The following ZC3HC1 variants were observed in gnomAD, a reference collection of about 807,000 sequenced individuals.
The protein encoded by ZC3HC1 is zinc finger C3HC-type containing 1.
ZC3HC1 carries 38 observed loss-of-function variants against 61.9 expected under a neutral mutation model. That is an observed-to-expected ratio of 0.61 (90% CI 0.47 to 0.81). The LOEUF (loss-of-function observed/expected upper bound fraction) is 0.81, where lower values mean the gene tolerates loss of function less well. Among genes scored for constraint, ZC3HC1 ranks in the 30% least tolerant of loss-of-function variants. The pLI is 0.00. For synonymous variants in ZC3HC1, 213 were observed against 229.9 expected, an observed-to-expected ratio of 0.93 and a Z score of 0.67; for missense variants, 554 against 622.7, an observed-to-expected ratio of 0.89 and a Z score of 1.17.
In ZC3HC1 at chr7:130,038,657, G is replaced by A. The variant is rs1047077041; in HGVS notation, c.493+807C>T. ...GCAGATCACTTGAGGTCAGGAGTTT[G>A]AGACCAGCCTAGCCAACATGGTGAA... is the stretch of plus-strand genomic sequence containing the variant. On this transcript the variant is annotated intron_variant, in intron 4 of 9. Coordinates refer to ENST00000358303, the MANE Select transcript of ZC3HC1 (RefSeq NM_016478.5). Among the ~76,000 whole-genome samples, 8 of 151,990 alleles carry A rather than the reference G, an allele frequency of 5.3e-5. 1 individual carries two copies. Among genetic ancestry groups the A allele is most frequent in the Admixed American group, 5.3e-4 (8 of 15,236 alleles).
chr7:130,041,686 A>T (rs1018916580), intron 2 of ZC3HC1, among the ~76,000 whole-genome samples: 6 of 151,608 alleles, frequency 4.0e-5, no homozygotes, highest in Non-Finnish European at 8.8e-5. Flanking sequence ...CTGCCACTGC[A>T]CCCAGCTAAT....
At chr7:130,026,394 A>T (rs1320286718) in intron 5 of ZC3HC1, 82 bp from the exon 6 acceptor site, 2 of 1,435,362 alleles carry the variant, frequency 1.4e-6, no homozygotes, top group Non-Finnish European at 1.9e-6. Context: ...TAGATGGTAC[A>T]AGCCGAAAAT....
rs980586991 is a variant in ZC3HC1, at chr7:130,050,312, C to A, written c.146+909G>T. ...CAGGATGGTCTTGATCTCCTGACCT[C>A]GTGATCTGCCCGCTTCAGCCTCCTC... On this transcript the variant is annotated intron_variant, in intron 1 of 9. Transcript: ENST00000358303. 7 of 948,006 alleles carry A rather than the reference C, an allele frequency of 7.4e-6. No individual in the cohort carries two copies. The African/African-American group carries it at 8.5e-5, about 11-fold the overall frequency. 58.7% of individuals were successfully genotyped at this position (948,006 alleles called of 1,614,324 possible).
chr7:130,044,315 G>T (rs1232076434), intron 2 of ZC3HC1, among the ~76,000 whole-genome samples: 2 of 152,150 alleles, frequency 1.3e-5, no homozygotes, highest in Non-Finnish European at 2.9e-5. Flanking sequence ...ACCATGCCCA[G>T]TTCAGATCTT....
Position 130,041,010 on chromosome 7 carries a change from C to G in ZC3HC1, c.350G>C (p.Cys117Ser). Reference sequence around the variant, plus strand: ...ACAGAGAAAAGCTTGACAGCTAGAGCACTTGAGCATATCACATTCCACTGT... The same window carrying G: ...ACAGAGAAAAGCTTGACAGCTAGAGGACTTGAGCATATCACATTCCACTGT... ...WVTVECDMLK[C>S]SSCQAFLCAS... The change falls in exon 3 of 10, where the codon TGC (cysteine) becomes TCC (serine). Residue 117 changes from cysteine to serine, a missense_variant. By Grantham distance (112) the Cys-to-Ser change is moderately radical (BLOSUM62 -1). Coordinates refer to ENST00000358303, the MANE Select transcript of ZC3HC1 (RefSeq NM_016478.5). 6.2e-7 allele frequency: 1 copy of G among 1,613,990 alleles called. No homozygotes were observed. The highest frequency in any genetic ancestry group is 2.2e-5 in the East Asian group (1 of 44,882).
chr7:130,019,251 G>A (rs139123519), intron 9 of ZC3HC1, among the ~76,000 whole-genome samples: 5 of 151,928 alleles, frequency 3.3e-5, no homozygotes, highest in African/African-American at 7.3e-5. Context: ...GGGTCTCACC[G>A]TGTTAGCCAG....
intron 4 of ZC3HC1, among the ~76,000 whole-genome samples, chr7:130,033,366 T>C (rs1370556734): frequency 6.6e-6 from 1 of 152,070 alleles, no homozygotes; most frequent in Admixed American, 6.6e-5. Context: ...GTTTCAGATA[T>C]TCACAAGTGG....
intron 6 of ZC3HC1, among the ~76,000 whole-genome samples, 160 bp from the exon 7 acceptor site, chr7:130,024,666 T>C (rs1793809546): frequency 6.6e-6 from 1 of 152,128 alleles, no homozygotes; most frequent in Non-Finnish European, 1.5e-5. Flanking sequence ...GCTTCATACT[T>C]CATCATCTCT....
chr7:130,039,420 T>C, intron 4 of ZC3HC1, 44 bp downstream of exon 4: 1 of 1,467,380 alleles, frequency 6.8e-7, no homozygotes, highest in Non-Finnish European at 9.4e-7. Flanking sequence ...AGAAATGCAA[T>C]GATGAAGGAA....
chr7:130,039,999 C>T (rs978374267), intron 3 of ZC3HC1, among the ~76,000 whole-genome samples: 2 of 151,300 alleles, frequency 1.3e-5, no homozygotes, highest in Non-Finnish European at 1.5e-5. Context: ...GGATTACACA[C>T]GTGAGCCACT....
intron 3 of ZC3HC1, among the ~76,000 whole-genome samples, chr7:130,040,053 T>C (rs890016271): frequency 1.3e-5 from 2 of 151,564 alleles, no homozygotes; most frequent in Non-Finnish European, 2.9e-5. Flanking sequence ...CATTCCAAAG[T>C]GTGAGACTTC....
intron 2 of ZC3HC1, among the ~76,000 whole-genome samples, chr7:130,044,903 A>G (rs1426029212): frequency 1.3e-5 from 2 of 152,218 alleles, no homozygotes; most frequent in African/African-American, 2.4e-5. Context: ...CATACACTCT[A>G]CAACATAACT....
intron 2 of ZC3HC1, among the ~76,000 whole-genome samples, chr7:130,047,501 T>C (rs565190993): frequency 1.3e-5 from 2 of 152,318 alleles, no homozygotes; most frequent in South Asian, 4.1e-4. Flanking sequence ...ACCTTGTTAA[T>C]AGTTTATAAG....
chr7:130,029,163 G>C, intron 4 of ZC3HC1, 134 bp from the exon 5 acceptor site: 1 of 1,001,174 alleles, frequency 1.0e-6, no homozygotes, highest in Non-Finnish European at 1.4e-6. Flanking sequence ...CTGAGGTCAG[G>C]AGTTCAAGAC....
chr7:130,047,408 T>C (rs1255328170), intron 2 of ZC3HC1, among the ~76,000 whole-genome samples: 1 of 152,162 alleles, frequency 6.6e-6, no homozygotes, highest in East Asian at 1.9e-4. Context: ...TATTAGTTTC[T>C]TGATCAAAAA....
chr7:130,026,508 A>G, intron 5 of ZC3HC1, 196 bp from the exon 6 acceptor site: 1 of 483,106 alleles, frequency 2.1e-6, no homozygotes, highest in Admixed American at 3.7e-5. Flanking sequence ...AATTGCCCTG[A>G]ATCTGCTGAC....
chr7:130,023,336 A>C lies in ZC3HC1; in HGVS notation c.1233+175T>G, dbSNP rs1194153347. ...AATCCACTCCAAAGGAACAAAAAGG[A>C]GCAAAAAACATGACTGACATTTTTT... On this transcript the variant is annotated intron_variant, in intron 8 of 9. Coordinates refer to ENST00000358303, the MANE Select transcript of ZC3HC1 (RefSeq NM_016478.5). This position sits in a 1 kb window ranked among gnomAD's most constrained non-coding sequence, Gnocchi z 4.2. 6.6e-6 allele frequency among the ~76,000 whole-genome samples: 1 copy of C among 152,158 alleles called. No homozygotes were observed. Among genetic ancestry groups the C allele is most frequent in the Non-Finnish European group, 1.5e-5 (1 of 68,028 alleles).
upstream of ZC3HC1, chr7:130,051,385 T>G (rs1481365825): frequency 6.2e-7 from 1 of 1,612,142 alleles, no homozygotes; most frequent in Non-Finnish European, 8.5e-7. Context: ...GCTGCCGAGT[T>G]GCTTCCCCGA....
intron 6 of ZC3HC1, among the ~76,000 whole-genome samples, chr7:130,025,498 C>T (rs376238274): frequency 2.0e-5 from 3 of 151,684 alleles, no homozygotes; most frequent in African/African-American, 7.3e-5. Flanking sequence ...AAAGAACTTC[C>T]TTTCTATTTT....
Sources: allele counts gnomAD v4.1 joint callset (sites outside exome capture counted in the v4.1 genomes callset), GRCh38; gene constraint gnomAD v4.1.1; non-coding constraint Gnocchi (gnomAD v3.1); transcripts MANE v1.5; gene names NCBI Gene and HGNC (gene_info 2026-07-23, HGNC 2026-07-21).